The following TTC28 variants were observed in gnomAD, a reference collection of about 807,000 sequenced individuals.
The protein encoded by TTC28 is tetratricopeptide repeat domain 28, also known as tetratricopeptide repeat protein 28.
In TTC28, 61 loss-of-function variants were observed where a neutral mutation model predicts 198.0. That is an observed-to-expected ratio of 0.31 (90% CI 0.25 to 0.38). The LOEUF is 0.38. Ranked by LOEUF, TTC28 falls within the 10% of genes least tolerant of loss-of-function variation. The pLI, the probability that TTC28 is intolerant of heterozygous loss-of-function variation, is 1.00. For missense variants in TTC28, 2,678 were observed against 3,164.0 expected, an observed-to-expected ratio of 0.85 and a Z score of 3.69; for synonymous variants, 1,171 against 1,297.8, an observed-to-expected ratio of 0.90 and a Z score of 2.10.
At chr22:28,187,257 G>A (rs1427193626) in intron 5 of TTC28, among the ~76,000 whole-genome samples, 2 of 152,026 alleles carry the variant, frequency 1.3e-5, no homozygotes, top group African/African-American at 2.4e-5. Context: ...AATAAAGCCT[G>A]GAAAGAAGTG....
chr22:28,257,778 A>ATC (rs1931048482), intron 5 of TTC28, among the ~76,000 whole-genome samples: 2 of 130,992 alleles, frequency 1.5e-5, no homozygotes, highest in African/African-American at 5.7e-5. Context: ...ATATATATAT[A>ATC]TATCTTCTAC....
intron 2 of TTC28, among the ~76,000 whole-genome samples, chr22:28,591,032 C>CATATATAT: frequency 1.6e-5 from 1 of 62,606 alleles, no homozygotes; most frequent in South Asian, 7.1e-4. Flanking sequence ...CACACACACA[C>CATATATAT]ACACACACAT....
At position 28,096,257 on chromosome 22, in the gene TTC28, C is replaced by T. The variant is rs1032471625; in HGVS notation, c.3699G>A (p.Arg1233=). Reference sequence around the variant, plus strand: ...CCAGGGAATAGTAAAGCACTAGTCCCCTCTGGCCATTTACCATCTCTAAGA... The same window carrying T: ...CCAGGGAATAGTAAAGCACTAGTCCTCTCTGGCCATTTACCATCTCTAAGA... ...DQILEMVNGQ[R]GLVLYYSLAA... is the part of the protein sequence containing the mutation. The change falls in exon 11 of 23, where the codon AGG becomes AGA. Residue 1233 remains arginine, a synonymous_variant. Transcript: ENST00000397906. 1 of 1,551,556 alleles carries T rather than the reference C, an allele frequency of 6.4e-7. No individual in the cohort carries two copies. The highest frequency in any genetic ancestry group is 1.4e-5 in the African/African-American group (1 of 73,008).
At chr22:28,232,861 G>A (rs1928920995) in intron 5 of TTC28, 1 of 152,136 alleles carries the variant, frequency 6.6e-6, no homozygotes, top group African/African-American at 2.4e-5. Flanking sequence ...GGCACTTTGG[G>A]AGGCTAAGGT....
At chr22:28,456,352 G>C (rs2047859630) in intron 2 of TTC28, among the ~76,000 whole-genome samples, 1 of 152,098 alleles carries the variant, frequency 6.6e-6, no homozygotes. Context: ...TAATGGATAA[G>C]AGGCTTCTTT....
At chr22:28,623,402 C>T (rs575062213) in intron 2 of TTC28, among the ~76,000 whole-genome samples, 37 of 152,110 alleles carry the variant, frequency 2.4e-4, no homozygotes, top group African/African-American at 8.7e-4. Flanking sequence ...CAAAACTTGA[C>T]AATATTAAAG....
chr22:28,082,996 C>CA, intron 12 of TTC28, among the ~76,000 whole-genome samples: 1 of 150,150 alleles, frequency 6.7e-6, no homozygotes, highest in African/African-American at 2.5e-5. Context: ...ATGTATTTTA[C>CA]GGAAATATAT....
intron 2 of TTC28, among the ~76,000 whole-genome samples, chr22:28,374,813 C>G (rs2046385042): frequency 6.6e-6 from 1 of 152,020 alleles, no homozygotes; most frequent in African/African-American, 2.4e-5. Flanking sequence ...TCCCGAGTAG[C>G]TGGGATTGCA....
intron 2 of TTC28, among the ~76,000 whole-genome samples, chr22:28,470,455 T>C (rs2048083577): frequency 6.6e-6 from 1 of 152,140 alleles, no homozygotes; most frequent in African/African-American, 2.4e-5. Context: ...CAATGTAATT[T>C]GAAAAGAATC....
At chr22:28,047,101 G>A (rs1293903992) in intron 12 of TTC28, among the ~76,000 whole-genome samples, 1 of 152,174 alleles carries the variant, frequency 6.6e-6, no homozygotes, top group Non-Finnish European at 1.5e-5. Context: ...CCCCATCCCA[G>A]CCCCTTTCGG....
chr22:28,297,123 T>C (rs962989587), intron 4 of TTC28, among the ~76,000 whole-genome samples: 2 of 152,094 alleles, frequency 1.3e-5, no homozygotes, highest in African/African-American at 4.8e-5. Context: ...CTTTTGGGAG[T>C]GCTGGCACCT....
At position 27,981,035 on chromosome 22, in the gene TTC28, TGGCCAGGGCCAAGGTGAG is replaced by T. The variant is rs1161083728; in HGVS notation, c.*1168_*1185del. The T allele has an allele frequency of 6.6e-6, 1 of 151,026 alleles. No individual in the cohort carries two copies. 9.4% of individuals were successfully genotyped at this position (151,026 alleles called of 1,614,324 possible). A position where few individuals can be genotyped will look rare whatever the true frequency, so the allele number is the denominator to read the frequency against. On this transcript the variant is annotated 3_prime_UTR_variant, in exon 23 of 23. Transcript: ENST00000397906. ...TTCAGACAGCAGGAGCACAGGAGGC[TGGCCAGGGCCAAGGTGAG>T]GGCCTGGGGGCAGCTCACAGAGGCA...
chr22:28,589,835 C>G (rs1464204301), intron 2 of TTC28, among the ~76,000 whole-genome samples: 2 of 151,624 alleles, frequency 1.3e-5, no homozygotes, highest in African/African-American at 4.8e-5. Context: ...GTCAGGAGTT[C>G]AAGACCAGCC....
intron 6 of TTC28, among the ~76,000 whole-genome samples, chr22:28,110,122 A>G (rs1942442263): frequency 1.3e-5 from 2 of 152,178 alleles, no homozygotes; most frequent in South Asian, 4.1e-4. Context: ...AGTATGCATG[A>G]TCAAGGCTGA....
intron 2 of TTC28, among the ~76,000 whole-genome samples, chr22:28,323,101 C>T (rs1255596058): frequency 6.6e-6 from 1 of 152,214 alleles, no homozygotes; most frequent in Non-Finnish European, 1.5e-5. Context: ...AGGGCATGGA[C>T]ATTTTTGGGG....
chr22:28,175,873 C>A (rs895840170), intron 5 of TTC28, among the ~76,000 whole-genome samples: 1 of 151,954 alleles, frequency 6.6e-6, no homozygotes, highest in Non-Finnish European at 1.5e-5. Context: ...CAATGAAATA[C>A]CAGTTACAAC....
intron 2 of TTC28, among the ~76,000 whole-genome samples, chr22:28,381,702 T>C (rs1338679082): frequency 6.6e-6 from 1 of 152,144 alleles, no homozygotes; most frequent in Non-Finnish European, 1.5e-5. Flanking sequence ...CAGTATTTTA[T>C]TGGAAATTGG....
At chr22:28,546,496 G>A (rs2049546109) in intron 2 of TTC28, among the ~76,000 whole-genome samples, 1 of 152,144 alleles carries the variant, frequency 6.6e-6, no homozygotes. Context: ...ATGTGTTGGA[G>A]AAGATATCAA....
At chr22:28,095,175 C>T (rs1941935907) in intron 11 of TTC28, among the ~76,000 whole-genome samples, 1 of 152,046 alleles carries the variant, frequency 6.6e-6, no homozygotes, top group African/African-American at 2.4e-5. Context: ...CATTTATTAA[C>T]CAAGTCACTG....
Sources: gnomAD v4.1 joint callset for allele counts (sites outside exome capture counted in the v4.1 genomes callset) on GRCh38, gnomAD v4.1.1 for gene constraint, MANE v1.5 for transcripts, NCBI Gene and HGNC (gene_info 2026-07-23, HGNC 2026-07-21) for gene names.